The following PRKN variants were observed in gnomAD, a reference collection of about 807,000 sequenced individuals.
PRKN encodes the protein parkin RBR E3 ubiquitin protein ligase, also known as E3 ubiquitin-protein ligase parkin.
Under a neutral mutation model 59.5 loss-of-function variants are expected in PRKN, and 56 were observed. That is an observed-to-expected ratio of 0.94 (90% CI 0.76 to 1.18). PRKN has a LOEUF of 1.18. Ranked by LOEUF, PRKN falls within the 50% of genes most tolerant of loss-of-function variation. The pLI, the probability that PRKN is intolerant of heterozygous loss-of-function variation, is 0.00. For missense variants in PRKN, 657 were observed against 596.4 expected, an observed-to-expected ratio of 1.10 and a Z score of -1.06; for synonymous variants, 250 against 222.1, an observed-to-expected ratio of 1.13 and a Z score of -1.12.
At chr6:162,388,281 C>T (rs534119860) in intron 2 of PRKN, among the ~76,000 whole-genome samples, 10 of 152,122 alleles carry the variant, frequency 6.6e-5, no homozygotes, top group Admixed American at 1.3e-4. Context: ...CCTCTAGGGC[C>T]CAGGTCCAGC....
chr6:162,048,788 C>A (rs916376327), intron 5 of PRKN, among the ~76,000 whole-genome samples: 1 of 151,112 alleles, frequency 6.6e-6, no homozygotes, highest in African/African-American at 2.4e-5. Context: ...CAAAGCTATC[C>A]TGGGCTGCAT....
intron 1 of PRKN, among the ~76,000 whole-genome samples, chr6:162,481,745 A>G (rs1792320702): frequency 6.6e-6 from 1 of 152,198 alleles, no homozygotes; most frequent in Non-Finnish European, 1.5e-5. Flanking sequence ...CTGATGACAG[A>G]GCACTACCTT....
At chr6:161,658,224 A>G (rs895660983) in intron 7 of PRKN, among the ~76,000 whole-genome samples, 1 of 152,078 alleles carries the variant, frequency 6.6e-6, no homozygotes, top group Admixed American at 6.6e-5. Flanking sequence ...TCAGAAATGC[A>G]ATTTCTTTCT....
chr6:162,055,302 A>C (rs1257468537), intron 4 of PRKN, among the ~76,000 whole-genome samples: 1 of 152,224 alleles, frequency 6.6e-6, no homozygotes, highest in African/African-American at 2.4e-5. Context: ...GGAAACAAAA[A>C]TCAAAATAGA....
intron 1 of PRKN, among the ~76,000 whole-genome samples, chr6:162,589,145 T>C (rs907076009): frequency 1.3e-5 from 2 of 152,180 alleles, no homozygotes; most frequent in Non-Finnish European, 1.5e-5. Flanking sequence ...TTTTATCTTA[T>C]TACAAATTTT....
chr6:162,107,498 T>A (rs1281912226), intron 4 of PRKN, among the ~76,000 whole-genome samples: 2 of 152,098 alleles, frequency 1.3e-5, no homozygotes, highest in African/African-American at 2.4e-5. Flanking sequence ...TTGTACCAAG[T>A]AGTGGCTAAT....
At chr6:162,130,149 G>C (rs1387920537) in intron 4 of PRKN, among the ~76,000 whole-genome samples, 1 of 152,052 alleles carries the variant, frequency 6.6e-6, no homozygotes, top group African/African-American at 2.4e-5. Flanking sequence ...CTACCACTCT[G>C]CAGCCTGTCC....
rs1428846336 is a variant in PRKN, at chr6:162,478,761, CACA to C, written c.8-35291_8-35289del. 1.3e-4 allele frequency among the ~76,000 whole-genome samples: 20 copies of C among 152,162 alleles called. 2 individuals are homozygous for C. The highest frequency in any genetic ancestry group is 6.5e-5 in the Admixed American group (1 of 15,278). On this transcript the variant is annotated intron_variant, in intron 1 of 11. Coordinates refer to ENST00000366898, the MANE Select transcript of PRKN (RefSeq NM_004562.3). ...CCTGCTGCTCTTGGCTACAAACCGG[CACA>C]ACATGTTTACTGAATGCCTTAGGCA...
intron 5 of PRKN, among the ~76,000 whole-genome samples, chr6:162,023,742 CCTGTCTT>C (rs1783306834): frequency 6.6e-6 from 1 of 152,168 alleles, no homozygotes; most frequent in South Asian, 2.1e-4. Flanking sequence ...AGCAGGACTA[CCTGTCTT>C]CACCTAGGTC....
chr6:161,704,137 T>C (rs1388988791), intron 7 of PRKN, among the ~76,000 whole-genome samples: 1 of 152,122 alleles, frequency 6.6e-6, no homozygotes, highest in Admixed American at 6.5e-5. Context: ...ATTGCAGGTG[T>C]TAGCCACCAC....
rs535711217 is a variant in PRKN, at chr6:162,113,247, G to A, written c.535-59073C>T. On this transcript the variant is annotated intron_variant, in intron 4 of 11. Coordinates refer to ENST00000366898, the MANE Select transcript of PRKN (RefSeq NM_004562.3). ...GACCCGATCTAAAAGAATGCTCAAA[G>A]GTCATCAAGCATGATTACATTCTGC... 4.5e-4 allele frequency among the ~76,000 whole-genome samples: 69 copies of A among 152,266 alleles called. No individual in the cohort carries two copies. In the South Asian group the frequency reaches 0.014, roughly 31 times the overall value.
Position 161,666,420 on chromosome 6 carries a change from A to T in PRKN, c.872-97004T>A, listed in dbSNP as rs188111545. ...TGATGATCTGAGGTGGAACAGTTTC[A>T]TCTGCAACCACTCCACTCACCCTGT... On this transcript the variant is annotated intron_variant, in intron 7 of 11. Transcript: ENST00000366898. Among the ~76,000 whole-genome samples the T allele has an allele frequency of 5.9e-5, 9 of 152,296 alleles. No individual in the cohort carries two copies. The East Asian group carries it at 1.7e-3, about 30-fold the overall frequency.
chr6:162,329,253 G>A (rs9458525), intron 2 of PRKN, among the ~76,000 whole-genome samples: 5,539 of 152,038 alleles, frequency 0.036, 336 homozygotes, highest in African/African-American at 0.13. Flanking sequence ...AGCGGGTGCA[G>A]CACGGGGGAC....
At chr6:161,694,617 C>T (rs189540826) in intron 7 of PRKN, among the ~76,000 whole-genome samples, 4 of 152,182 alleles carry the variant, frequency 2.6e-5, no homozygotes, top group East Asian at 3.9e-4. Context: ...TCCCAATACT[C>T]GGTTTTGACT....
In PRKN at chr6:162,639,361, T is replaced by G. The variant is rs921350543; in HGVS notation, c.7+88301A>C. On this transcript the variant is annotated intron_variant, in intron 1 of 11. Coordinates refer to ENST00000366898, the MANE Select transcript of PRKN (RefSeq NM_004562.3). ...AATGTGTGTCAAAGATCTTATACACTTAGTAATTAATGAGGAAGCCAGTAA... is the reference window on the plus strand; with the variant it reads ...AATGTGTGTCAAAGATCTTATACACGTAGTAATTAATGAGGAAGCCAGTAA... Among the ~76,000 whole-genome samples, 6 of 152,244 alleles carry G rather than the reference T, an allele frequency of 3.9e-5. No homozygotes were observed. In the South Asian group the frequency reaches 1.2e-3, roughly 32 times the overall value.
chr6:161,430,957 G>A (rs1012524680), intron 9 of PRKN, among the ~76,000 whole-genome samples: 3 of 151,744 alleles, frequency 2.0e-5, no homozygotes, highest in South Asian at 2.1e-4. Flanking sequence ...CCAACGTGGT[G>A]AAACCCTGTC....
rs1778808898 is a variant in PRKN at position 162,718,480 on chromosome 6, G to A, written c.7+9182C>T. ...TAATCTCAGCACTTTGGGAGGCCGA[G>A]ACAGGTGGATCACGAGGTCAGGAGA... On this transcript the variant is annotated intron_variant, in intron 1 of 11. Coordinates refer to ENST00000366898, the MANE Select transcript of PRKN (RefSeq NM_004562.3). Among the ~76,000 whole-genome samples, 4 of 152,240 alleles carry A rather than the reference G, an allele frequency of 2.6e-5. No homozygotes were observed. The South Asian group carries it at 8.3e-4, about 32-fold the overall frequency.
chr6:161,828,172 G>A (rs1020726716), intron 6 of PRKN, among the ~76,000 whole-genome samples: 5 of 152,122 alleles, frequency 3.3e-5, no homozygotes, highest in African/African-American at 4.8e-5. Context: ...GCAAAATACT[G>A]TAGGCAATAA....
At chr6:162,029,537 A>G (rs1783560909) in intron 5 of PRKN, among the ~76,000 whole-genome samples, 1 of 152,154 alleles carries the variant, frequency 6.6e-6, no homozygotes, top group Admixed American at 6.5e-5. Flanking sequence ...CCTCGATGGC[A>G]CCGTGCACCG....
Sources: allele counts gnomAD v4.1 joint callset (sites outside exome capture counted in the v4.1 genomes callset), GRCh38; gene constraint gnomAD v4.1.1; transcripts MANE v1.5; gene names NCBI Gene and HGNC (gene_info 2026-07-23, HGNC 2026-07-21).